SENP6: variants seen among roughly 807,000 people sequenced by gnomAD.
SENP6 encodes sentrin-specific protease 6.
A neutral mutation model predicts 134.5 loss-of-function variants in SENP6; 41 were observed. The ratio of observed to expected loss-of-function variants is 0.30; its 90% CI spans 0.24 to 0.40. SENP6 has a LOEUF of 0.40. Among genes scored for constraint, SENP6 ranks in the 10% least tolerant of loss-of-function variants. SENP6 has a pLI of 1.00. For missense variants in SENP6, 1,248 were observed against 1,312.5 expected (o/e 0.95, Z 0.76); for synonymous variants, 395 against 429.8 (o/e 0.92, Z 1.00).
intron 1 of SENP6, among the ~76,000 whole-genome samples, chr6:75,614,056 G>A (rs78895036): frequency 0.021 from 3,211 of 152,056 alleles, 115 homozygotes; most frequent in African/African-American, 0.073. Flanking sequence ...CCCAATTTGC[G>A]TTTATCTGAT....
At position 75,633,691 on chromosome 6, in the gene SENP6, T is replaced by C. The variant is rs1561986623; in HGVS notation, c.318T>C (p.Ile106=). 2 of 1,611,442 alleles carry C rather than the reference T, an allele frequency of 1.2e-6. No individual in the cohort carries two copies. Among genetic ancestry groups the C allele is most frequent in the Admixed American group, 1.7e-5 (1 of 59,570 alleles). ...TTAAAACTTTGAAAGGCAACCCAAT[T>C]GGACTTAACATGTTGAGCAACAATA... is the stretch of plus-strand genomic sequence containing the variant. The part of the protein sequence containing the change: ...ESFKTLKGNP[I]GLNMLSNNKK... The change falls in exon 4 of 24, where the codon ATT becomes ATC. Residue 106 remains isoleucine, a synonymous_variant. Transcript: ENST00000447266.
chr6:75,678,750 A>T (rs557955625), intron 15 of SENP6, 58 bp downstream of exon 15: 1 of 1,381,444 alleles, frequency 7.2e-7, no homozygotes, highest in Non-Finnish European at 1.0e-6. Flanking sequence ...GTTTTATTAC[A>T]TTTCAGTTGT....
intron 11 of SENP6, 146 bp from the exon 12 acceptor site, chr6:75,675,289 G>C (rs938119706): frequency 2.0e-6 from 1 of 503,254 alleles, no homozygotes. Context: ...ATGTTTAGGT[G>C]TTCATTATAA....
At chr6:75,695,952 G>A in intron 17 of SENP6, 29 bp downstream of exon 17, 1 of 1,547,362 alleles carries the variant, frequency 6.5e-7, no homozygotes, top group African/African-American at 1.4e-5. Flanking sequence ...ATATTTAACA[G>A]ATGTAAGTCA....
intron 7 of SENP6, among the ~76,000 whole-genome samples, chr6:75,652,438 G>A (rs1052204920): frequency 1.3e-5 from 2 of 151,628 alleles, no homozygotes; most frequent in African/African-American, 4.8e-5. Context: ...GTACTGGTAC[G>A]TGCTTTTTAT....
At chr6:75,667,356 A>G (rs1181774042) in intron 10 of SENP6, among the ~76,000 whole-genome samples, 1 of 152,228 alleles carries the variant, frequency 6.6e-6, no homozygotes, top group African/African-American at 2.4e-5. Flanking sequence ...TAGACAGTGT[A>G]TCTAGGACAA....
chr6:75,691,892 CGTT>C (rs1774301107), intron 16 of SENP6, among the ~76,000 whole-genome samples: 2 of 151,882 alleles, frequency 1.3e-5, no homozygotes, highest in Admixed American at 1.3e-4. Context: ...GTTTCACTCT[CGTT>C]GTCCAGGCTG....
chr6:75,645,261 A>C (rs747637636), intron 6 of SENP6, among the ~76,000 whole-genome samples: 3 of 152,196 alleles, frequency 2.0e-5, no homozygotes, highest in African/African-American at 7.2e-5. Context: ...TTGATTTTCA[A>C]TGAGTTTGGA....
chr6:75,684,373 A>T (rs1773681102), intron 16 of SENP6, among the ~76,000 whole-genome samples: 3 of 152,140 alleles, frequency 2.0e-5, no homozygotes, highest in Non-Finnish European at 4.4e-5. Flanking sequence ...CCATTTCCTA[A>T]TTGAATACGC....
chr6:75,650,410 A>G (rs998873093), intron 7 of SENP6, among the ~76,000 whole-genome samples: 1 of 152,086 alleles, frequency 6.6e-6, no homozygotes, highest in Non-Finnish European at 1.5e-5. Context: ...TCAAACTTTC[A>G]CCCACTGATT....
intron 6 of SENP6, among the ~76,000 whole-genome samples, chr6:75,641,821 A>G (rs778902065): frequency 7.9e-5 from 12 of 152,180 alleles, no homozygotes; most frequent in Admixed American, 2.0e-4. Context: ...CTACAAAAAA[A>G]TAAAATAATT....
chr6:75,659,394 T>C lies in SENP6; in HGVS notation c.683T>C (p.Leu228Ser). 1 of 1,608,642 alleles carries C rather than the reference T, an allele frequency of 6.2e-7. No homozygotes were observed. Among genetic ancestry groups the C allele is most frequent in the Non-Finnish European group, 8.5e-7 (1 of 1,176,626 alleles). ...CTATCTCCTGCTTCAAAAAAATGTTTAACCCATTTAGAGGTAAGTAGAGAA... is the reference window on the plus strand; with the variant it reads ...CTATCTCCTGCTTCAAAAAAATGTTCAACCCATTTAGAGGTAAGTAGAGAA... ...PPLSPASKKC[L>S]THLEDLQRNC... The change falls in exon 8 of 24, where the codon TTA (leucine) becomes TCA (serine). Residue 228 changes from leucine (L) to serine (S), a missense_variant. By Grantham distance (145) the Leu-to-Ser change is moderately radical. Transcript: ENST00000447266.
At chr6:75,655,897 C>T (rs1296166332) in intron 7 of SENP6, among the ~76,000 whole-genome samples, 2 of 151,944 alleles carry the variant, frequency 1.3e-5, no homozygotes. Context: ...TTTGTGCATA[C>T]CTGGAAATAG....
chr6:75,628,601 G>A (rs1029926763), intron 3 of SENP6, among the ~76,000 whole-genome samples: 5 of 152,068 alleles, frequency 3.3e-5, no homozygotes, highest in South Asian at 2.1e-4. Flanking sequence ...CATAACAATT[G>A]TACATATTTA....
Position 75,602,554 on chromosome 6 carries a change from A to C in SENP6, c.30A>C (p.Ala10=), listed in dbSNP as rs1043359825. The part of the protein sequence containing the change: MAAGKSGGS[A]GEITFLEALA... ...CGGCCGGCAAGAGCGGCGGTAGCGC[A>C]GGGGAGATTACTTTTCTGGAAGGTA... is the stretch of plus-strand genomic sequence containing the variant. The change falls in exon 1 of 24, where the codon GCA becomes GCC. Residue 10 remains alanine, a synonymous_variant. Coordinates refer to ENST00000447266, the MANE Select transcript of SENP6 (RefSeq NM_015571.4). The C allele has an allele frequency of 1.0e-4, 158 of 1,551,438 alleles. No homozygotes were observed. The highest frequency in any genetic ancestry group is 1.3e-4 in the Non-Finnish European group (152 of 1,146,928).
intron 6 of SENP6, among the ~76,000 whole-genome samples, chr6:75,641,490 G>A (rs541754401): frequency 3.2e-4 from 49 of 152,128 alleles, no homozygotes; most frequent in Non-Finnish European, 6.2e-4. Context: ...TGACTGAAAG[G>A]TTTGTAAGAG....
At chr6:75,691,364 C>T (rs927489948) in intron 16 of SENP6, among the ~76,000 whole-genome samples, 4 of 151,964 alleles carry the variant, frequency 2.6e-5, no homozygotes, top group African/African-American at 9.7e-5. Context: ...AGGCTATTCT[C>T]AAGGGATCCT....
At chr6:75,635,073 C>T in intron 5 of SENP6, 1 of 509,146 alleles carries the variant, frequency 2.0e-6, no homozygotes, top group Non-Finnish European at 3.7e-6. Flanking sequence ...GATACTGAAA[C>T]TGATTTACAA....
In SENP6 at chr6:75,677,013, T is replaced by A. The variant is rs751974173; in HGVS notation, c.1622-17T>A. On this transcript the variant is annotated splice_polypyrimidine_tract_variant and intron_variant, in intron 13 of 23. Coordinates refer to ENST00000447266, the MANE Select transcript of SENP6 (RefSeq NM_015571.4). ...TCTTTTGTGTTTTTTTTTGGACTTA[T>A]ATTTATTTCTTTTCAGATTTAGAAG... 8.2e-7 allele frequency: 1 copy of A among 1,224,480 alleles called. No homozygotes were observed. The highest frequency in any genetic ancestry group is 2.0e-5 in the Admixed American group (1 of 49,504). 75.9% of individuals were successfully genotyped at this position (1,224,480 alleles called of 1,614,324 possible).
Sources: allele counts gnomAD v4.1 joint callset (sites outside exome capture counted in the v4.1 genomes callset), GRCh38; gene constraint gnomAD v4.1.1; transcripts MANE v1.5; gene names NCBI Gene and HGNC (gene_info 2026-07-23, HGNC 2026-07-21).